Variants in FAM13C observed in about 807,000 individuals in gnomAD.
FAM13C encodes the protein protein FAM13C.
Under a neutral mutation model 73.2 loss-of-function variants are expected in FAM13C, and 37 were observed. That is an observed-to-expected ratio of 0.51 (90% CI 0.39 to 0.67). The LOEUF (loss-of-function observed/expected upper bound fraction) is 0.67. Ranked by LOEUF, FAM13C falls within the 30% of genes least tolerant of loss-of-function variation. FAM13C has a pLI of 0.00. For synonymous variants in FAM13C, 246 were observed against 260.9 expected (o/e 0.94, Z 0.55); for missense variants, 589 against 715.6 (o/e 0.82, Z 2.02).
chr10:59,265,112 C>G (rs1467474586), intron 8 of FAM13C, among the ~76,000 whole-genome samples: 1 of 151,878 alleles, frequency 6.6e-6, no homozygotes, highest in Admixed American at 6.6e-5. Context: ...GAAAAAACTA[C>G]TGTGTGACAG....
At chr10:59,347,081 C>T (rs1854392550) in intron 3 of FAM13C, among the ~76,000 whole-genome samples, 3 of 152,034 alleles carry the variant, frequency 2.0e-5, no homozygotes, top group South Asian at 4.1e-4. Context: ...AGCCTATTGT[C>T]TAAGGAAAAA....
chr10:59,353,798 C>A (rs968515802), intron 2 of FAM13C, among the ~76,000 whole-genome samples: 1 of 152,106 alleles, frequency 6.6e-6, no homozygotes, highest in African/African-American at 2.4e-5. Context: ...CCAGAACAAA[C>A]GTAGTGCTAT....
chr10:59,304,856 G>GGAGGGGAAGGGA (rs1848073084), intron 4 of FAM13C, among the ~76,000 whole-genome samples: 1 of 117,496 alleles, frequency 8.5e-6, no homozygotes, highest in Admixed American at 9.0e-5. Flanking sequence ...AGGGGGAGGG[G>GGAGGGGAAGGGA]AAGGGAAAGG....
intron 5 of FAM13C, among the ~76,000 whole-genome samples, chr10:59,299,856 A>G (rs1293636926): frequency 6.6e-6 from 1 of 152,128 alleles, no homozygotes; most frequent in Non-Finnish European, 1.5e-5. Context: ...AGGGAGATTT[A>G]ATCAGTTTTT....
At chr10:59,301,715 CTT>C (rs1277050807) in intron 5 of FAM13C, among the ~76,000 whole-genome samples, 1 of 152,214 alleles carries the variant, frequency 6.6e-6, no homozygotes, top group Non-Finnish European at 1.5e-5. Context: ...GCTCTTGCCT[CTT>C]TTCTCTTAAA....
intron 4 of FAM13C, among the ~76,000 whole-genome samples, chr10:59,311,757 T>C (rs546820256): frequency 2.0e-5 from 3 of 152,224 alleles, no homozygotes; most frequent in African/African-American, 4.8e-5. Flanking sequence ...TGTGAATAAA[T>C]GCTGCAGCCC....
chr10:59,362,248 G>C (rs1856504574), intron 1 of FAM13C, 151 bp downstream of exon 1: 3 of 1,098,612 alleles, frequency 2.7e-6, no homozygotes, highest in African/African-American at 1.6e-5. Context: ...GGCCCCACCA[G>C]TCAGCACGTC....
intron 1 of FAM13C, among the ~76,000 whole-genome samples, chr10:59,356,298 T>G (rs561616617): frequency 2.6e-4 from 39 of 152,192 alleles, no homozygotes; most frequent in Non-Finnish European, 5.3e-4. Flanking sequence ...TTCCATTACA[T>G]GCCTCTTTGC....
intron 3 of FAM13C, among the ~76,000 whole-genome samples, chr10:59,338,058 AT>A: frequency 6.6e-6 from 1 of 152,194 alleles, no homozygotes; most frequent in South Asian, 2.1e-4. Flanking sequence ...ACATTCTAAC[AT>A]TTATTGAGCT....
intron 1 of FAM13C, among the ~76,000 whole-genome samples, chr10:59,361,874 C>T (rs1856461863): frequency 6.6e-6 from 1 of 152,136 alleles, no homozygotes; most frequent in African/African-American, 2.4e-5. Flanking sequence ...CCCATAGTCA[C>T]ATCTCTGTAG....
At chr10:59,249,814 A>G (rs140508072) in intron 13 of FAM13C, among the ~76,000 whole-genome samples, 13 of 152,336 alleles carry the variant, frequency 8.5e-5, no homozygotes, top group African/African-American at 2.9e-4. Context: ...ATAGACAAAT[A>G]CAGACTTATC....
intron 3 of FAM13C, among the ~76,000 whole-genome samples, chr10:59,327,908 C>G (rs1015751177): frequency 3.5e-4 from 54 of 152,136 alleles, no homozygotes; most frequent in African/African-American, 1.1e-3. Flanking sequence ...ATGTGTCTGT[C>G]AAATGGTCAG....
chr10:59,283,827 AC>A (rs1845225800), intron 5 of FAM13C: 1 of 467,776 alleles, frequency 2.1e-6, no homozygotes, highest in African/African-American at 1.9e-5. Context: ...TTGAGGCTTT[AC>A]GCTTTGAGTG....
chr10:59,356,976 T>G (rs568851212), intron 1 of FAM13C, among the ~76,000 whole-genome samples: 90 of 152,318 alleles, frequency 5.9e-4, no homozygotes, highest in African/African-American at 2.1e-3. Context: ...CATCAGACTC[T>G]AAGTTCTTCA....
intron 4 of FAM13C, among the ~76,000 whole-genome samples, chr10:59,312,889 C>T (rs1301627576): frequency 6.6e-6 from 1 of 152,160 alleles, no homozygotes; most frequent in African/African-American, 2.4e-5. Context: ...GGTTCTTAGT[C>T]CTCTTGCTCC....
chr10:59,282,006 G>A (rs949265179), intron 6 of FAM13C: 3 of 152,220 alleles, frequency 2.0e-5, no homozygotes, highest in East Asian at 1.9e-4. Flanking sequence ...TAATCTGACT[G>A]AAATTGCTAA....
chr10:59,302,129 T>G (rs1306884541), intron 5 of FAM13C, among the ~76,000 whole-genome samples: 1 of 152,202 alleles, frequency 6.6e-6, no homozygotes, highest in African/African-American at 2.4e-5. Context: ...TACTACTACT[T>G]AATTTACAAT....
At chr10:59,287,201 G>A (rs920877592) in intron 5 of FAM13C, among the ~76,000 whole-genome samples, 4 of 151,276 alleles carry the variant, frequency 2.6e-5, no homozygotes. Context: ...GCCGGGCATG[G>A]TTGGGGGCGC....
At position 59,251,658 on chromosome 10, in the gene FAM13C, A is replaced by G; in HGVS notation, c.1551T>C (p.His517=). Residue 517 remains histidine (H), a synonymous_variant, in exon 13 of 14, where the codon CAT becomes CAC. Transcript: ENST00000618804. ...HEATMPVLLD[H]LRETRADKKR... ...TCTTGTCAGCCCTAGTTTCTCGGAGATGGTCAAGAAGTACAGGCCTATATA... is the reference window on the plus strand; with the variant it reads ...TCTTGTCAGCCCTAGTTTCTCGGAGGTGGTCAAGAAGTACAGGCCTATATA... The G allele has an allele frequency of 2.5e-6, 4 of 1,611,566 alleles. No homozygotes were observed. The highest frequency in any genetic ancestry group is 1.7e-5 in the Admixed American group (1 of 59,482).
Sources: allele counts gnomAD v4.1 joint callset (sites outside exome capture counted in the v4.1 genomes callset), GRCh38; gene constraint gnomAD v4.1.1; transcripts MANE v1.5; gene names NCBI Gene and HGNC (gene_info 2026-07-23, HGNC 2026-07-21).